ADD3: variants seen among roughly 807,000 people sequenced by gnomAD.
ADD3 encodes the protein gamma-adducin.
In ADD3, 25 loss-of-function variants were observed where a neutral mutation model predicts 80.2. The observed-to-expected ratio is 0.31, with a 90% CI of 0.23 to 0.44. The LOEUF (loss-of-function observed/expected upper bound fraction) is 0.44. Ranked by LOEUF, ADD3 falls within the 20% of genes least tolerant of loss-of-function variation. ADD3 has a pLI of 1.00. For synonymous variants in ADD3, 284 were observed against 289.6 expected, an observed-to-expected ratio of 0.98 and a Z score of 0.20; for missense variants, 829 against 847.5, an observed-to-expected ratio of 0.98 and a Z score of 0.27.
chr10:110,131,445 C>T (rs1260625399), intron 13 of ADD3, among the ~76,000 whole-genome samples: 1 of 152,100 alleles, frequency 6.6e-6, no homozygotes, highest in Non-Finnish European at 1.5e-5. Flanking sequence ...AAGCCTGTCA[C>T]CCAAAAAGAG....
intron 1 of ADD3, among the ~76,000 whole-genome samples, chr10:110,073,594 G>A (rs1845038892): frequency 6.6e-6 from 1 of 152,156 alleles, no homozygotes; most frequent in Admixed American, 6.5e-5. Context: ...GATCTCTGAG[G>A]ACACACAAGT....
intron 1 of ADD3, among the ~76,000 whole-genome samples, chr10:110,014,376 A>C (rs1034647546): frequency 2.6e-5 from 4 of 152,206 alleles, no homozygotes; most frequent in African/African-American, 9.7e-5. Flanking sequence ...GGATGAGTGG[A>C]ATGCTTCATT....
rs980531683 is a variant in ADD3 at position 110,117,562 on chromosome 10, ATGT to A, written c.567+145_567+147del. 13 of 588,178 alleles carry A rather than the reference ATGT, an allele frequency of 2.2e-5. No individual in the cohort carries two copies. In the African/African-American group the frequency reaches 2.3e-4, roughly 10 times the overall value. 36.4% of individuals were successfully genotyped at this position (588,178 alleles called of 1,614,324 possible). Reference sequence around the variant, plus strand: ...GTGAACAGTGAAGGGAATTTGAACTATGTTGTTTTAGGGAAAAGCTTTAGAGAA... The same window carrying A: ...GTGAACAGTGAAGGGAATTTGAACTATGTTTTAGGGAAAAGCTTTAGAGAA... On this transcript the variant is annotated intron_variant, in intron 5 of 14. Coordinates refer to ENST00000356080, the MANE Select transcript of ADD3 (RefSeq NM_016824.5).
intron 1 of ADD3, among the ~76,000 whole-genome samples, chr10:110,089,868 A>G (rs989659932): frequency 1.3e-5 from 2 of 152,194 alleles, no homozygotes; most frequent in Non-Finnish European, 2.9e-5. Flanking sequence ...CTTTCTGTAC[A>G]TGTTTTCAAC....
intron 1 of ADD3, among the ~76,000 whole-genome samples, chr10:110,057,178 C>T (rs187464875): frequency 3.3e-5 from 5 of 152,274 alleles, no homozygotes; most frequent in African/African-American, 9.6e-5. Context: ...TTTCTCTACC[C>T]GACTCTGCAC....
chr10:110,018,880 C>G (rs1327018281), intron 1 of ADD3, among the ~76,000 whole-genome samples: 1 of 152,154 alleles, frequency 6.6e-6, no homozygotes, highest in Non-Finnish European at 1.5e-5. Flanking sequence ...AGACTTTTAA[C>G]AGTGCTCCCT....
intron 1 of ADD3, among the ~76,000 whole-genome samples, chr10:110,098,755 G>C (rs183791690): frequency 1.2e-3 from 180 of 151,868 alleles, no homozygotes; most frequent in African/African-American, 4.0e-3. Flanking sequence ...TCAGCCTCCC[G>C]AGTAGCTGTG....
rs138627954 is a variant in ADD3, at chr10:110,088,455, T to C, written c.-29-12170T>C. 1.8e-4 allele frequency among the ~76,000 whole-genome samples: 27 copies of C among 152,346 alleles called. No individual in the cohort carries two copies. In the East Asian group the frequency reaches 5.2e-3, roughly 29 times the overall value. ...TTTTGCAAGTAGTTTTCAAGTACCATTATCTGTGCTTAATAAGATGCATTT... is the reference window on the plus strand; with the variant it reads ...TTTTGCAAGTAGTTTTCAAGTACCACTATCTGTGCTTAATAAGATGCATTT... On this transcript the variant is annotated intron_variant, in intron 1 of 14. Coordinates refer to ENST00000356080, the MANE Select transcript of ADD3 (RefSeq NM_016824.5).
chr10:110,090,974 TAAC>T (rs547345134), intron 1 of ADD3, among the ~76,000 whole-genome samples: 5 of 152,168 alleles, frequency 3.3e-5, no homozygotes, highest in African/African-American at 7.2e-5. Flanking sequence ...ATTTTAAAGA[TAAC>T]AAGTCATTTC....
chr10:110,040,704 A>C (rs1291460116), intron 1 of ADD3, among the ~76,000 whole-genome samples: 1 of 152,108 alleles, frequency 6.6e-6, no homozygotes, highest in African/African-American at 2.4e-5. Context: ...GTGGACTGAG[A>C]GAAGGTTGAA....
chr10:110,053,280 T>C (rs17126985), intron 1 of ADD3, among the ~76,000 whole-genome samples: 19,185 of 151,820 alleles, frequency 0.13, 1,536 homozygotes, highest in East Asian at 0.4. Context: ...AGTTTCTGCT[T>C]GGGTATAATG....
At chr10:110,024,954 G>T (rs1854106806) in intron 1 of ADD3, among the ~76,000 whole-genome samples, 1 of 150,134 alleles carries the variant, frequency 6.7e-6, no homozygotes, top group Non-Finnish European at 1.5e-5. Flanking sequence ...TGGAGACAGA[G>T]TCTCACTCCA....
chr10:110,089,986 A>G (rs1326546037), intron 1 of ADD3, among the ~76,000 whole-genome samples: 1 of 152,036 alleles, frequency 6.6e-6, no homozygotes, highest in Non-Finnish European at 1.5e-5. Flanking sequence ...ACCTCTACCA[A>G]TGTCTAAGCA....
At chr10:110,100,904 T>G (rs757535114) in intron 2 of ADD3, 56 bp downstream of exon 2, 49 of 1,483,884 alleles carry the variant, frequency 3.3e-5, no homozygotes, top group Non-Finnish European at 4.1e-5. Context: ...GTTAGTATAA[T>G]AAGGTAGAAG....
chr10:110,029,507 A>G lies in ADD3; in HGVS notation c.-30+21208A>G, dbSNP rs531570576. On this transcript the variant is annotated intron_variant, in intron 1 of 14. Coordinates refer to ENST00000356080, the MANE Select transcript of ADD3 (RefSeq NM_016824.5). ...ATACGTATCATATTTCTGATTTGCT[A>G]TATATTTTGAGATATTTATTTGAAA... 6.0e-4 allele frequency among the ~76,000 whole-genome samples: 91 copies of G among 152,290 alleles called. 3 individuals carry two copies. The South Asian group carries it at 0.018, about 30-fold the overall frequency.
intron 1 of ADD3, among the ~76,000 whole-genome samples, chr10:110,086,966 A>G (rs1336113335): frequency 6.6e-6 from 1 of 152,204 alleles, no homozygotes; most frequent in Non-Finnish European, 1.5e-5. Flanking sequence ...GCAGAATAGC[A>G]GAAATGCAGC....
At chr10:110,049,760 G>C (rs1316732629) in intron 1 of ADD3, among the ~76,000 whole-genome samples, 2 of 152,016 alleles carry the variant, frequency 1.3e-5, no homozygotes, top group African/African-American at 2.4e-5. Flanking sequence ...TGTGGCAGGC[G>C]CCTGTAGTCC....
At chr10:110,018,114 A>ATGT (rs1853210618) in intron 1 of ADD3, among the ~76,000 whole-genome samples, 1 of 152,218 alleles carries the variant, frequency 6.6e-6, no homozygotes, top group Non-Finnish European at 1.5e-5. Context: ...CCAGTCAAAC[A>ATGT]TAGGAATGGT....
chr10:110,001,539 C>A (rs1564822684), upstream of ADD3, among the ~76,000 whole-genome samples: 1 of 152,240 alleles, frequency 6.6e-6, no homozygotes, highest in South Asian at 2.1e-4. Flanking sequence ...TGAAACGGGG[C>A]CATCCGCATT....
Sources: allele counts gnomAD v4.1 joint callset (sites outside exome capture counted in the v4.1 genomes callset), GRCh38; gene constraint gnomAD v4.1.1; transcripts MANE v1.5; gene names NCBI Gene and HGNC (gene_info 2026-07-23, HGNC 2026-07-21).